Variants in XRCC4 observed in about 807,000 individuals in gnomAD.
XRCC4 encodes DNA repair protein XRCC4.
XRCC4 carries 28 observed loss-of-function variants against 39.1 expected under a neutral mutation model. The observed-to-expected ratio is 0.72, with a 90% CI of 0.53 to 0.98. The LOEUF (loss-of-function observed/expected upper bound fraction) is 0.98, where lower values mean the gene tolerates loss of function less well. Ranked by LOEUF, XRCC4 falls within the 50% of genes least tolerant of loss-of-function variation. The pLI, the probability that XRCC4 is intolerant of heterozygous loss-of-function variation, is 0.00. For synonymous variants in XRCC4, 123 were observed against 126.4 expected (o/e 0.97, Z 0.18); for missense variants, 350 against 376.4 (o/e 0.93, Z 0.58).
chr5:83,293,618 C>G (rs1580474490), intron 7 of XRCC4, among the ~76,000 whole-genome samples: 1 of 151,908 alleles, frequency 6.6e-6, no homozygotes, highest in Non-Finnish European at 1.5e-5. Context: ...CCTCTAATAT[C>G]GAACCCATTT....
At chr5:83,162,917 CTTTTTCTTTTT>C (rs954208913) in intron 3 of XRCC4, among the ~76,000 whole-genome samples, 7 of 146,344 alleles carry the variant, frequency 4.8e-5, no homozygotes, top group Non-Finnish European at 7.5e-5. Context: ...TTTTTTTTTC[CTTTTTCTTTTT>C]TTTTTCTTTT....
rs141280332 is a variant in XRCC4 at position 83,264,082 on chromosome 5, T to C, written c.893+5405T>C. Among the ~76,000 whole-genome samples, 8 of 152,322 alleles carry C rather than the reference T, an allele frequency of 5.3e-5. No individual in the cohort carries two copies. The East Asian group carries it at 1.5e-3, about 29-fold the overall frequency. ...CCTCCATAGAGTGCAGTGCCACTGA[T>C]AGAGTTTGTATAAGGTATTGTCTTC... On this transcript the variant is annotated intron_variant, in intron 7 of 7. Transcript: ENST00000396027.
chr5:83,265,054 A>G (rs10045771), intron 7 of XRCC4, among the ~76,000 whole-genome samples: 31,173 of 152,060 alleles, frequency 0.21, 7,222 homozygotes, highest in African/African-American at 0.57. Context: ...ACTTAAAATG[A>G]GGTAGTTGAC....
intron 6 of XRCC4, among the ~76,000 whole-genome samples, chr5:83,227,470 G>A (rs28360191): frequency 0.016 from 2,421 of 152,080 alleles, 61 homozygotes; most frequent in African/African-American, 0.054. Context: ...ATACTAAACA[G>A]GACTATAATA....
At chr5:83,366,344 G>T in the XRCC4 span, among the ~76,000 whole-genome samples, 1 of 152,064 alleles carries the variant, frequency 6.6e-6, no homozygotes, top group Non-Finnish European at 1.5e-5. Context: ...AAACAAGACG[G>T]ATCCTTGATT....
chr5:83,097,628 T>C (rs1455872889), intron 1 of XRCC4, among the ~76,000 whole-genome samples: 3 of 152,122 alleles, frequency 2.0e-5, no homozygotes, highest in Non-Finnish European at 4.4e-5. Context: ...TCTTTTGGAA[T>C]TGAAATAAGA....
chr5:83,255,968 A>G (rs1753522908), intron 6 of XRCC4, among the ~76,000 whole-genome samples: 1 of 152,200 alleles, frequency 6.6e-6, no homozygotes, highest in South Asian at 2.1e-4. Flanking sequence ...GTATTTCTAA[A>G]ATATTTTAGC....
At chr5:83,113,990 G>T (rs1338100516) in intron 3 of XRCC4, among the ~76,000 whole-genome samples, 12 of 152,198 alleles carry the variant, frequency 7.9e-5, no homozygotes. Flanking sequence ...CTTGGCTTCT[G>T]TGCACTCGCA....
In XRCC4 at chr5:83,114,653, C is replaced by G. The variant is rs1349686846; in HGVS notation, c.315+3450C>G. 5.3e-5 allele frequency among the ~76,000 whole-genome samples: 8 copies of G among 152,328 alleles called. No individual in the cohort carries two copies. In the East Asian group the frequency reaches 1.4e-3, roughly 26 times the overall value. The stretch of plus-strand genomic sequence containing the variant: ...AAATTCCAAACTTTTTCACATCTTC[C>G]TGTCTTCTGAGCCCTCAAGTCTCTA... On this transcript the variant is annotated intron_variant, in intron 3 of 7. Transcript: ENST00000396027.
At chr5:83,306,213 A>G (rs1322249297) in intron 7 of XRCC4, among the ~76,000 whole-genome samples, 1 of 152,140 alleles carries the variant, frequency 6.6e-6, no homozygotes, top group Admixed American at 6.6e-5. Context: ...GTACTTTTAT[A>G]TATATATATA....
At chr5:83,126,829 T>G (rs1747290399) in intron 3 of XRCC4, among the ~76,000 whole-genome samples, 1 of 152,194 alleles carries the variant, frequency 6.6e-6, no homozygotes, top group Non-Finnish European at 1.5e-5. Context: ...CCAACGTATC[T>G]GGAAGGTGGG....
intron 3 of XRCC4, among the ~76,000 whole-genome samples, chr5:83,137,577 T>C (rs1409029532): frequency 6.6e-6 from 1 of 152,184 alleles, no homozygotes; most frequent in Non-Finnish European, 1.5e-5. Context: ...ACTGCCTAGG[T>C]AGTGATGAAC....
chr5:83,252,703 C>T (rs76128821), intron 6 of XRCC4, among the ~76,000 whole-genome samples: 7,026 of 152,022 alleles, frequency 0.046, 485 homozygotes, highest in African/African-American at 0.16. Flanking sequence ...AGCTGAGAAA[C>T]TTAGAGATTC....
chr5:83,245,603 A>G (rs1260062905), intron 6 of XRCC4, among the ~76,000 whole-genome samples: 11 of 152,152 alleles, frequency 7.2e-5, no homozygotes, highest in Non-Finnish European at 1.6e-4. Flanking sequence ...GAAAATTAAT[A>G]GATGTTAAAA....
chr5:83,188,775 T>C (rs1189023022), intron 3 of XRCC4, among the ~76,000 whole-genome samples: 2 of 152,144 alleles, frequency 1.3e-5, no homozygotes, highest in Admixed American at 1.3e-4. Flanking sequence ...AAGCTGTGAT[T>C]GCGAATAACC....
intron 3 of XRCC4, among the ~76,000 whole-genome samples, chr5:83,178,970 T>G (rs975905908): frequency 2.0e-5 from 3 of 152,180 alleles, no homozygotes; most frequent in Non-Finnish European, 4.4e-5. Context: ...CTTATTCCCC[T>G]TGCGTGGCTA....
At chr5:83,301,829 G>A (rs1380968083) in intron 7 of XRCC4, among the ~76,000 whole-genome samples, 2 of 152,160 alleles carry the variant, frequency 1.3e-5, no homozygotes, top group Admixed American at 1.3e-4. Flanking sequence ...TTATTAAATA[G>A]GGAATCCTTT....
intron 7 of XRCC4, among the ~76,000 whole-genome samples, chr5:83,281,774 C>G (rs964920662): frequency 2.0e-5 from 3 of 152,186 alleles, no homozygotes; most frequent in African/African-American, 7.2e-5. Context: ...TGCCAAATTC[C>G]TCCAATGTTG....
At chr5:83,139,146 T>G (rs1327575653) in intron 3 of XRCC4, among the ~76,000 whole-genome samples, 1 of 152,130 alleles carries the variant, frequency 6.6e-6, no homozygotes, top group Non-Finnish European at 1.5e-5. Flanking sequence ...ACATTGCATT[T>G]CATTGTCTCT....
Sources: gnomAD v4.1 joint callset for allele counts (sites outside exome capture counted in the v4.1 genomes callset) on GRCh38, gnomAD v4.1.1 for gene constraint, MANE v1.5 for transcripts, NCBI Gene and HGNC (gene_info 2026-07-23, HGNC 2026-07-21) for gene names.